Variants in EML2 observed in about 807,000 individuals in gnomAD.
The protein encoded by EML2 is echinoderm microtubule-associated protein-like 2.
A neutral mutation model predicts 84.7 loss-of-function variants in EML2; 59 were observed. That is an observed-to-expected ratio of 0.70 (90% confidence interval 0.56 to 0.86). EML2 has a LOEUF of 0.86. EML2 is among the 40% of genes least tolerant of loss of function. EML2 has a pLI of 0.00. For missense variants in EML2, 818 were observed against 855.6 expected (o/e 0.96, Z 0.55); for synonymous variants, 352 against 348.9 (o/e 1.01, Z -0.10).
At chr19:45,611,716 G>A (rs1970518765) in intron 18 of EML2, among the ~76,000 whole-genome samples, 1 of 152,106 alleles carries the variant, frequency 6.6e-6, no homozygotes, top group African/African-American at 2.4e-5. Context: ...TCGAACTGTT[G>A]ACCTCAGGTG....
In EML2 at chr19:45,633,457, GT is replaced by G. The variant is rs34593917; in HGVS notation, c.330-319del. On this transcript the variant is annotated intron_variant, in intron 4 of 18. Coordinates refer to ENST00000245925, the MANE Select transcript of EML2 (RefSeq NM_012155.4). ...AGGAATTGTCTGGAGTGCCTATTCA[GT>G]TTTTTTTTTTTTTAAGAGGCGGAGT... Among the ~76,000 whole-genome samples, 458 of 145,994 alleles carry G rather than the reference GT, an allele frequency of 3.1e-3. 2 individuals carry two copies. The highest frequency in any genetic ancestry group is 0.01 in the African/African-American group (399 of 39,818).
At chr19:45,620,044 A>T (rs1306347506) in intron 11 of EML2, among the ~76,000 whole-genome samples, 2 of 152,134 alleles carry the variant, frequency 1.3e-5, no homozygotes, top group Non-Finnish European at 2.9e-5. Context: ...TAATAAATAA[A>T]TAAAATGCTA....
At position 45,626,769 on chromosome 19, in the gene EML2, T is replaced by A. The variant is rs1481762807; in HGVS notation, c.677A>T (p.Lys226Ile). 1 of 1,613,856 alleles carries A rather than the reference T, an allele frequency of 6.2e-7. No homozygotes were observed. The highest frequency in any genetic ancestry group is 8.5e-7 in the Non-Finnish European group (1 of 1,179,960). ...CAAGGTCCAGAAGTAGATGTGAGATTTCCCGCAGGTGATAAGCACAGTGGG... is the reference window on the plus strand; with the variant it reads ...CAAGGTCCAGAAGTAGATGTGAGATATCCCGCAGGTGATAAGCACAGTGGG... ...TDPTVLITCG[K>I]SHIYFWTLEG... is the part of the protein sequence containing the mutation. The change falls in exon 8 of 19, where the codon AAA (lysine) becomes ATA (isoleucine). Residue 226 changes from lysine to isoleucine, a missense_variant. Coordinates refer to ENST00000245925, the MANE Select transcript of EML2 (RefSeq NM_012155.4).
chr19:45,643,653 G>C (rs977792823), upstream of EML2: 40 of 1,536,070 alleles, frequency 2.6e-5, 1 homozygote, highest in African/African-American at 5.2e-4. Context: ...TAGCTTAGAC[G>C]GGGACAGGGC....
chr19:45,616,426 G>A (rs1971077386), intron 15 of EML2, 35 bp downstream of exon 15: 1 of 1,525,232 alleles, frequency 6.6e-7, no homozygotes, highest in African/African-American at 1.4e-5. Context: ...CCTGGGCGGG[G>A]TGGCGGCGCG....
rs929921825 is a variant in EML2 at position 45,628,964 on chromosome 19, A to T, written c.606+987T>A. ...CCCCTCACCATGCCTCATCCTTAAA[A>T]TAGGCCACCTCTCAGAGAGGGAAAT... On this transcript the variant is annotated intron_variant, in intron 7 of 18. Transcript: ENST00000245925. Among the ~76,000 whole-genome samples, 15 of 152,238 alleles carry T rather than the reference A, an allele frequency of 9.9e-5. 1 individual carries two copies. The highest frequency in any genetic ancestry group is 6.2e-4 in the South Asian group (3 of 4,818).
chr19:45,619,833 T>C (rs1004334076), intron 11 of EML2, among the ~76,000 whole-genome samples: 4 of 152,108 alleles, frequency 2.6e-5, no homozygotes, highest in African/African-American at 9.7e-5. Flanking sequence ...GGCAGGAAGA[T>C]TGAGCTCAGG....
At chr19:45,637,662 C>CTTT (rs1206550438) in intron 3 of EML2, among the ~76,000 whole-genome samples, 9 of 45,790 alleles carry the variant, frequency 2.0e-4, no homozygotes, top group Admixed American at 1.8e-3. Context: ...TTTTCTTTTT[C>CTTT]TTTTCTTTTT....
intron 9 of EML2, chr19:45,623,374 A>G (rs919020393): frequency 5.3e-5 from 8 of 151,502 alleles, no homozygotes; most frequent in Admixed American, 5.3e-4. Flanking sequence ...TCTCTACAAC[A>G]AATACAAAAA....
chr19:45,639,492 C>A (rs914633299), upstream of EML2: 12 of 1,115,058 alleles, frequency 1.1e-5, no homozygotes, highest in African/African-American at 1.8e-4. Flanking sequence ...ACAGCCACCC[C>A]TGGAGCCGGA....
chr19:45,613,707 G>C (rs1294128214), intron 17 of EML2, 36 bp from the exon 18 acceptor site: 4 of 1,600,644 alleles, frequency 2.5e-6, no homozygotes, highest in Non-Finnish European at 3.4e-6. Flanking sequence ...TAAGATGTCA[G>C]CTGGAGCCAG....
intron 9 of EML2, among the ~76,000 whole-genome samples, chr19:45,624,117 A>G (rs913233640): frequency 2.0e-5 from 3 of 152,218 alleles, no homozygotes; most frequent in Admixed American, 2.0e-4. Context: ...TCTTCATAAC[A>G]CATTAATCTG....
intron 7 of EML2, among the ~76,000 whole-genome samples, chr19:45,628,303 G>A (rs10164382): frequency 0.21 from 31,161 of 151,394 alleles, 3,461 homozygotes; most frequent in East Asian, 0.29. Flanking sequence ...AGGTGGTGGA[G>A]GTTGCAGTGA....
At chr19:45,626,869 G>C in intron 7 of EML2, 30 bp from the exon 8 acceptor site, 1 of 1,577,670 alleles carries the variant, frequency 6.3e-7, no homozygotes, top group Non-Finnish European at 8.6e-7. Flanking sequence ...TTCTGAATGA[G>C]GACCTCAAAG....
chr19:45,631,884 A>ATTTTTTTT lies in EML2; in HGVS notation c.510+969_510+976dup, dbSNP rs755529171. Among the ~76,000 whole-genome samples the ATTTTTTTT allele has an allele frequency of 3.1e-3, 284 of 90,316 alleles. 21 individuals are homozygous for ATTTTTTTT. The highest frequency in any genetic ancestry group is 4.8e-3 in the East Asian group (12 of 2,508). 59.3% of individuals were successfully genotyped at this position (90,316 alleles called of 152,430 possible). A position where few individuals can be genotyped will look rare whatever the true frequency, so the allele number is the denominator to read the frequency against. ...ACACTAGTACACCCAGCTAATTAGA[A>ATTTTTTTT]TTTTTTTTTTTTTTTTTTTTTTTTT... is the stretch of plus-strand genomic sequence containing the variant. On this transcript the variant is annotated intron_variant, in intron 6 of 18. Transcript: ENST00000245925.
rs753178109 is a variant in EML2, at chr19:45,616,753, C to A, written c.1411+12G>T. ...GGCCCTGCCGCTTGGGTGTCCCAGG[C>A]CTGCCGCTTACCTGGGGAGAAGCTG... is the stretch of plus-strand genomic sequence containing the variant. On this transcript the variant is annotated intron_variant, in intron 14 of 18. Transcript: ENST00000245925. 6.2e-7 allele frequency: 1 copy of A among 1,610,606 alleles called. No homozygotes were observed. Among genetic ancestry groups the A allele is most frequent in the Non-Finnish European group, 8.5e-7 (1 of 1,178,182 alleles).
intron 4 of EML2, among the ~76,000 whole-genome samples, 174 bp downstream of exon 4, chr19:45,634,148 A>C (rs972873561): frequency 6.6e-6 from 1 of 152,016 alleles, no homozygotes; most frequent in African/African-American, 2.4e-5. Context: ...CTCAATCCAC[A>C]TTTTCCCACT....
At chr19:45,614,359 G>A (rs1314965173) in intron 17 of EML2, among the ~76,000 whole-genome samples, 2 of 152,224 alleles carry the variant, frequency 1.3e-5, no homozygotes, top group Non-Finnish European at 2.9e-5. Flanking sequence ...CTGAATGAAT[G>A]GGTGGCTAGG....
At chr19:45,634,217 C>G (rs1973430023) in intron 4 of EML2, 105 bp downstream of exon 4, 1 of 1,512,456 alleles carries the variant, frequency 6.6e-7, no homozygotes, top group Non-Finnish European at 9.0e-7. Flanking sequence ...TAGCCTTGCC[C>G]CAAACCCCAC....
Sources: gnomAD v4.1 joint callset for allele counts (sites outside exome capture counted in the v4.1 genomes callset) on GRCh38, gnomAD v4.1.1 for gene constraint, MANE v1.5 for transcripts, NCBI Gene and HGNC (gene_info 2026-07-23, HGNC 2026-07-21) for gene names.